NCOR2: variants seen among roughly 807,000 people sequenced by gnomAD.
NCOR2 encodes CTG repeat protein 26.
In NCOR2, 81 loss-of-function variants were observed where a neutral mutation model predicts 262.9. That is an observed-to-expected ratio of 0.31 (90% CI 0.26 to 0.37). The LOEUF is 0.37. Ranked by LOEUF, NCOR2 falls within the 10% of genes least tolerant of loss-of-function variation. NCOR2 has a pLI of 1.00. For synonymous variants in NCOR2, 1,659 were observed against 1,559.3 expected, an observed-to-expected ratio of 1.06 and a Z score of -1.51; for missense variants, 3,385 against 3,621.4, an observed-to-expected ratio of 0.93 and a Z score of 1.68.
chr12:124,468,367 T>C (rs2046618930), intron 4 of NCOR2, among the ~76,000 whole-genome samples: 1 of 45,702 alleles, frequency 2.2e-5, no homozygotes, highest in Non-Finnish European at 4.2e-5. Context: ...CTCATCCTCA[T>C]CACCCCCATC....
chr12:124,328,132 T>G (rs3741508), intron 44 of NCOR2, among the ~76,000 whole-genome samples: 28,545 of 151,740 alleles, frequency 0.19, 3,141 homozygotes, highest in East Asian at 0.44. Context: ...GGGGGCTGGC[T>G]GGGGGCTGGG....
intron 20 of NCOR2, among the ~76,000 whole-genome samples, chr12:124,364,631 C>T (rs887555417): frequency 6.6e-6 from 1 of 152,186 alleles, no homozygotes; most frequent in Non-Finnish European, 1.5e-5. Flanking sequence ...CGGTGGGTGC[C>T]GTTTCCTTCA....
Position 124,380,815 on chromosome 12 carries a change from C to A in NCOR2, c.2020-2431G>T, listed in dbSNP as rs144214817. The stretch of plus-strand genomic sequence containing the variant: ...GGCGTGGGGTCTCTGAGGCAGTGGA[C>A]GGGGATGGTGCCAACACCCTGAATC... On this transcript the variant is annotated intron_variant, in intron 17 of 46. Coordinates refer to ENST00000405201, the Ensembl canonical transcript of NCOR2. 5.9e-5 allele frequency among the ~76,000 whole-genome samples: 9 copies of A among 152,024 alleles called. No homozygotes were observed. The East Asian group carries it at 1.7e-3, about 29-fold the overall frequency.
At chr12:124,444,672 G>A (rs761792266) in intron 7 of NCOR2, among the ~76,000 whole-genome samples, 5 of 152,078 alleles carry the variant, frequency 3.3e-5, no homozygotes, top group African/African-American at 7.3e-5. Context: ...GCCTGACCCC[G>A]GCTGCAGGGG....
At chr12:124,501,993 C>A (rs1032525) in intron 1 of NCOR2, among the ~76,000 whole-genome samples, 1 of 152,222 alleles carries the variant, frequency 6.6e-6, no homozygotes, top group Admixed American at 6.5e-5. Flanking sequence ...GCCAGCTCCA[C>A]GGGTCGAGCT....
At chr12:124,485,279 CTAAGA>C (rs894821049) in intron 2 of NCOR2, among the ~76,000 whole-genome samples, 21 of 152,310 alleles carry the variant, frequency 1.4e-4, no homozygotes, top group African/African-American at 3.8e-4. Context: ...TGGAATTAAG[CTAAGA>C]TGAGGCCATC....
At chr12:124,493,776 C>G (rs1333514860) in intron 1 of NCOR2, among the ~76,000 whole-genome samples, 1 of 152,178 alleles carries the variant, frequency 6.6e-6, no homozygotes, top group African/African-American at 2.4e-5. Flanking sequence ...TCCTTAGCCC[C>G]AGGCACGCAG....
chr12:124,343,546 T>C (rs2036638352), intron 32 of NCOR2, among the ~76,000 whole-genome samples: 1 of 152,150 alleles, frequency 6.6e-6, no homozygotes, highest in Non-Finnish European at 1.5e-5. Flanking sequence ...CAAGCTGACA[T>C]TCAATGCGAG....
chr12:124,440,165 G>A lies in NCOR2; in HGVS notation c.816-2169C>T, dbSNP rs2136434352. Among the ~76,000 whole-genome samples, 1 of 152,292 alleles carries A rather than the reference G, an allele frequency of 6.6e-6. No individual in the cohort carries two copies. The highest frequency in any genetic ancestry group is 1.5e-5 in the Non-Finnish European group (1 of 68,014). On this transcript the variant is annotated intron_variant, in intron 7 of 46. Transcript: ENST00000405201. This position sits in a 1 kb window ranked among gnomAD's most constrained non-coding sequence, Gnocchi z 5.7. ...ATTCAGTGGCACCCGCTTTTCTGGG[G>A]AGGGGATCCCCAACTTTTTCATATT...
intron 13 of NCOR2, among the ~76,000 whole-genome samples, chr12:124,405,524 C>T (rs2042227046): frequency 6.6e-6 from 1 of 152,254 alleles, no homozygotes. Flanking sequence ...CTGCAGCCCA[C>T]GCTGAGTGAG....
At chr12:124,348,447 G>T in intron 28 of NCOR2, 133 bp from the exon 31 acceptor site, 2 of 1,256,178 alleles carry the variant, frequency 1.6e-6, no homozygotes, top group Non-Finnish European at 2.1e-6. Flanking sequence ...AAGCCTCACA[G>T]CCGAGGCCTC....
At position 124,441,326 on chromosome 12, in the gene NCOR2, T is replaced by G. The variant is rs530167096; in HGVS notation, c.816-3330A>C. On this transcript the variant is annotated intron_variant, in intron 7 of 46. Transcript: ENST00000405201. ...CCTGAAGGTTTCCGGCTGCCAGAGC[T>G]GGAACAATGTGAGTGACAACAGAAA... Among the ~76,000 whole-genome samples the G allele has an allele frequency of 1.2e-4, 19 of 152,280 alleles. No individual in the cohort carries two copies. The East Asian group carries it at 3.3e-3, about 26-fold the overall frequency.
intron 10 of NCOR2, among the ~76,000 whole-genome samples, chr12:124,429,130 G>A (rs1384655014): frequency 1.3e-5 from 2 of 152,264 alleles, no homozygotes; most frequent in East Asian, 3.8e-4. Context: ...AGAAGGTCGT[G>A]GCTGCGTGGA....
rs890060348 is a variant in NCOR2, at chr12:124,402,575, G to A, written c.1483-14C>T. On this transcript the variant is annotated splice_polypyrimidine_tract_variant and intron_variant, in intron 13 of 46. Transcript: ENST00000405201. ...TTGTTGCTGCTGCTGTCAGACCCCGGGGGAGGGCAGAGGGGAGTGGGGAGG... is the reference window on the plus strand; with the variant it reads ...TTGTTGCTGCTGCTGTCAGACCCCGAGGGAGGGCAGAGGGGAGTGGGGAGG... 2.8e-5 allele frequency: 43 copies of A among 1,552,468 alleles called. No homozygotes were observed. The highest frequency in any genetic ancestry group is 3.6e-5 in the Non-Finnish European group (41 of 1,148,948).
chr12:124,437,154 A>C (rs914921259), intron 8 of NCOR2, among the ~76,000 whole-genome samples: 1 of 151,284 alleles, frequency 6.6e-6, no homozygotes, highest in African/African-American at 2.4e-5. Flanking sequence ...TGAAGGCAAG[A>C]CTTGAGTTGA....
chr12:124,348,481 GC>G, intron 28 of NCOR2, 167 bp from the exon 31 acceptor site: 1 of 889,318 alleles, frequency 1.1e-6, no homozygotes, highest in East Asian at 2.8e-5. Context: ...CAGCCTGCAG[GC>G]CCTGGGGGCC....
chr12:124,450,970 A>C (rs1240720639), intron 6 of NCOR2, among the ~76,000 whole-genome samples: 1 of 152,262 alleles, frequency 6.6e-6, no homozygotes, highest in Admixed American at 6.5e-5. Flanking sequence ...CAGAGGTGCC[A>C]GTCACATTGC....
chr12:124,430,867 GGCAGACACACAGGTGCGTGC>G, intron 8 of NCOR2, 80 bp from the exon 11 acceptor site: 1 of 1,510,486 alleles, frequency 6.6e-7, no homozygotes, highest in Non-Finnish European at 8.9e-7. Flanking sequence ...CTCACATGCA[GGCAGACACACAGGTGCGTGC>G]GCACACACAC....
chr12:124,346,512 C>T (rs944295197), intron 31 of NCOR2, 52 bp downstream of exon 33: 37 of 1,446,416 alleles, frequency 2.6e-5, no homozygotes, highest in African/African-American at 4.3e-5. Context: ...TGCCCCACAG[C>T]CACCGCCACC....
Sources: allele counts gnomAD v4.1 joint callset (sites outside exome capture counted in the v4.1 genomes callset), GRCh38; gene constraint gnomAD v4.1.1; non-coding constraint Gnocchi (gnomAD v3.1); transcripts MANE v1.5; gene names NCBI Gene and HGNC (gene_info 2026-07-23, HGNC 2026-07-21).